The following MAPK4 variants were observed in gnomAD, a reference collection of about 807,000 sequenced individuals.
The protein encoded by MAPK4 is mitogen-activated protein kinase 4, also known as Erk3-related.
Under a neutral mutation model 47.7 loss-of-function variants are expected in MAPK4, and 22 were observed. That is an observed-to-expected ratio of 0.46 (90% confidence interval 0.33 to 0.66). MAPK4 has a LOEUF of 0.66. MAPK4 is among the 30% of genes least tolerant of loss of function. The probability of loss-of-function intolerance (pLI) is 0.02; values close to 1 mark genes in which losing one functional copy is unlikely to be tolerated. For missense variants in MAPK4, 736 were observed against 831.7 expected, an observed-to-expected ratio of 0.88 and a Z score of 1.42; for synonymous variants, 390 against 365.7, an observed-to-expected ratio of 1.07 and a Z score of -0.76.
At chr18:50,617,247 ACATC>A (rs1326105396) in intron 1 of MAPK4, among the ~76,000 whole-genome samples, 2 of 102,620 alleles carry the variant, frequency 1.9e-5, no homozygotes, top group Non-Finnish European at 4.2e-5. Flanking sequence ...AGACATCGGG[ACATC>A]GGGGTCTGTA....
intron 1 of MAPK4, among the ~76,000 whole-genome samples, chr18:50,570,666 T>C (rs2042241897): frequency 6.6e-6 from 1 of 152,172 alleles, no homozygotes; most frequent in Non-Finnish European, 1.5e-5. Context: ...CTCTGCTTGA[T>C]GCTAAGGTTT....
intron 1 of MAPK4, among the ~76,000 whole-genome samples, chr18:50,650,329 A>C (rs1598867103): frequency 4.6e-4 from 49 of 107,498 alleles, no homozygotes; most frequent in East Asian, 9.1e-4. Context: ...CCTTTCCACT[A>C]CCCCCTCCCT....
intron 2 of MAPK4, among the ~76,000 whole-genome samples, chr18:50,707,800 G>T (rs1021334192): frequency 2.0e-5 from 3 of 152,162 alleles, no homozygotes; most frequent in African/African-American, 7.2e-5. Flanking sequence ...GGGCCTGCAG[G>T]CCTATGGGAA....
intron 1 of MAPK4, among the ~76,000 whole-genome samples, chr18:50,640,100 T>C (rs934713857): frequency 6.6e-6 from 1 of 152,192 alleles, no homozygotes; most frequent in African/African-American, 2.4e-5. Context: ...TTTATATATA[T>C]CTACACACAT....
At chr18:50,680,243 C>T (rs1480403122) in intron 2 of MAPK4, among the ~76,000 whole-genome samples, 1 of 151,728 alleles carries the variant, frequency 6.6e-6, no homozygotes, top group Non-Finnish European at 1.5e-5. Flanking sequence ...AGGTGCCCAC[C>T]ACCACGCCCA....
chr18:50,710,270 C>T (rs1185368498), intron 2 of MAPK4, among the ~76,000 whole-genome samples: 2 of 151,904 alleles, frequency 1.3e-5, no homozygotes, highest in Non-Finnish European at 2.9e-5. Flanking sequence ...ATTGCTTGAG[C>T]TCAGGAGTTC....
chr18:50,635,472 C>T (rs2042877165), intron 1 of MAPK4, among the ~76,000 whole-genome samples: 2 of 152,160 alleles, frequency 1.3e-5, no homozygotes, highest in Non-Finnish European at 2.9e-5. Flanking sequence ...ATCATCAATC[C>T]CCTCAACTAC....
intron 1 of MAPK4, among the ~76,000 whole-genome samples, chr18:50,568,422 T>G (rs2149357292): frequency 6.6e-6 from 1 of 152,318 alleles, no homozygotes; most frequent in South Asian, 2.1e-4. Flanking sequence ...GCCTTAATTC[T>G]TATTCTTACA....
intron 1 of MAPK4, among the ~76,000 whole-genome samples, chr18:50,607,941 G>A (rs1419014028): frequency 6.6e-6 from 1 of 152,104 alleles, no homozygotes; most frequent in East Asian, 1.9e-4. Context: ...CTTATAATTT[G>A]CAAGAGCTAC....
intron 1 of MAPK4, among the ~76,000 whole-genome samples, chr18:50,636,531 G>T (rs193202429): frequency 3.2e-3 from 490 of 152,282 alleles, no homozygotes; most frequent in African/African-American, 0.011. Flanking sequence ...TTAGGCAGGG[G>T]CTGCCTCTCC....
intron 1 of MAPK4, among the ~76,000 whole-genome samples, chr18:50,647,814 C>T (rs1191027899): frequency 6.6e-6 from 1 of 152,106 alleles, no homozygotes; most frequent in African/African-American, 2.4e-5. Flanking sequence ...TCCTCTTAAG[C>T]CTCTGCTGTC....
intron 1 of MAPK4, among the ~76,000 whole-genome samples, chr18:50,639,227 G>A (rs1242901635): frequency 6.6e-6 from 1 of 152,250 alleles, no homozygotes; most frequent in Non-Finnish European, 1.5e-5. Flanking sequence ...CTGGTGCCAA[G>A]CTGGATGACT....
intron 1 of MAPK4, among the ~76,000 whole-genome samples, chr18:50,571,728 T>A (rs2042252093): frequency 1.3e-5 from 2 of 152,206 alleles, no homozygotes; most frequent in South Asian, 4.1e-4. Flanking sequence ...TTCGAGACCA[T>A]CTTGTCTGCT....
chr18:50,597,925 A>T (rs1054721627), intron 1 of MAPK4, among the ~76,000 whole-genome samples: 2 of 152,230 alleles, frequency 1.3e-5, no homozygotes, highest in African/African-American at 4.8e-5. Context: ...ATTAGGAAGG[A>T]TCACATATTA....
rs370089598 is a variant in MAPK4 at position 50,664,363 on chromosome 18, C to T, written c.405C>T (p.Arg135=). The T allele has an allele frequency of 3.3e-5, 53 of 1,613,796 alleles. No individual in the cohort carries two copies. The highest frequency in any genetic ancestry group is 1.9e-4 in the South Asian group (17 of 91,086). ...AGCTGTTCATGTACCAGCTGCTCCG[C>T]GGGCTCAAGTACATCCACTCCGCCA... The part of the protein sequence containing the change: ...HAKLFMYQLL[R]GLKYIHSANV... Residue 135 remains arginine, a synonymous_variant, in exon 2 of 6, where the codon CGC becomes CGT. Coordinates refer to ENST00000400384, the MANE Select transcript of MAPK4 (RefSeq NM_002747.4). This position sits in a 1 kb window ranked among gnomAD's most constrained non-coding sequence, Gnocchi z 6.0.
intron 1 of MAPK4, among the ~76,000 whole-genome samples, chr18:50,615,190 C>A (rs1265962453): frequency 6.6e-6 from 1 of 152,104 alleles, no homozygotes; most frequent in Non-Finnish European, 1.5e-5. Flanking sequence ...TGTGTTCTTT[C>A]ATAATTGTGT....
chr18:50,601,675 A>C (rs2042543089), intron 1 of MAPK4, among the ~76,000 whole-genome samples: 1 of 152,124 alleles, frequency 6.6e-6, no homozygotes, highest in African/African-American at 2.4e-5. Flanking sequence ...TCTTTCTTGG[A>C]GATCCTGTTT....
intron 1 of MAPK4, among the ~76,000 whole-genome samples, chr18:50,616,774 C>T (rs1278298398): frequency 6.6e-6 from 1 of 152,236 alleles, no homozygotes; most frequent in African/African-American, 2.4e-5. Flanking sequence ...CCAGAACACT[C>T]AGCAAGTCTG....
At chr18:50,690,471 C>G (rs1197532341) in intron 2 of MAPK4, among the ~76,000 whole-genome samples, 1 of 152,168 alleles carries the variant, frequency 6.6e-6, no homozygotes, top group Non-Finnish European at 1.5e-5. Context: ...GAGAGCAAGA[C>G]ATTCAGAACA....
Sources: gnomAD v4.1 joint callset for allele counts (sites outside exome capture counted in the v4.1 genomes callset) on GRCh38, gnomAD v4.1.1 for gene constraint, Gnocchi (gnomAD v3.1) non-coding constraint, MANE v1.5 for transcripts, NCBI Gene and HGNC (gene_info 2026-07-23, HGNC 2026-07-21) for gene names.